SEC23B: variants seen among roughly 807,000 people sequenced by gnomAD.
SEC23B encodes SEC23 homolog B, COPII component, also known as protein transport protein Sec23B.
A neutral mutation model predicts 104.3 loss-of-function variants in SEC23B; 77 were observed. That is an observed-to-expected ratio of 0.74 (90% CI 0.61 to 0.89). The LOEUF is 0.89. Among genes scored for constraint, SEC23B ranks in the 40% least tolerant of loss-of-function variants. The pLI is 0.00. For missense variants in SEC23B, 885 were observed against 949.4 expected (o/e 0.93, Z 0.89); for synonymous variants, 338 against 332.5 (o/e 1.02, Z -0.18).
intron 3 of SEC23B, among the ~76,000 whole-genome samples, chr20:18,514,410 T>C (rs766637911): frequency 3.3e-5 from 5 of 152,152 alleles, no homozygotes; most frequent in Non-Finnish European, 7.4e-5. Context: ...TAGAGTCTTC[T>C]GCTGGCTCTG....
intron 19 of SEC23B, among the ~76,000 whole-genome samples, chr20:18,559,916 A>G (rs2060476572): frequency 6.6e-6 from 1 of 152,194 alleles, no homozygotes; most frequent in Non-Finnish European, 1.5e-5. Flanking sequence ...TATATATTCT[A>G]TTCCTTCCTC....
chr20:18,530,478 G>A (rs182383399), intron 9 of SEC23B, among the ~76,000 whole-genome samples: 8 of 152,154 alleles, frequency 5.3e-5, no homozygotes, highest in South Asian at 4.1e-4. Context: ...CAAGTGATCC[G>A]CCCTCCTTGG....
intron 12 of SEC23B, among the ~76,000 whole-genome samples, chr20:18,537,405 C>T (rs2060242315): frequency 6.6e-6 from 1 of 151,512 alleles, no homozygotes; most frequent in Admixed American, 6.6e-5. Context: ...GAATACTATG[C>T]AGCCATAAAA....
chr20:18,540,214 T>C (rs2060275211), intron 12 of SEC23B, among the ~76,000 whole-genome samples: 2 of 152,228 alleles, frequency 1.3e-5, no homozygotes, highest in Non-Finnish European at 2.9e-5. Flanking sequence ...ATGAAATGTG[T>C]TTCTTAAATT....
At chr20:18,543,333 T>C (rs546367145) in intron 14 of SEC23B, among the ~76,000 whole-genome samples, 161 bp downstream of exon 14, 1 of 152,358 alleles carries the variant, frequency 6.6e-6, no homozygotes, top group East Asian at 1.9e-4. Flanking sequence ...GTGTTAAATG[T>C]GCATTTTCCC....
rs752324886 is a variant in SEC23B, at chr20:18,543,125, G to T, written c.1618G>T (p.Glu540Ter). 6.2e-7 allele frequency: 1 copy of T among 1,614,198 alleles called. No homozygotes were observed. Among genetic ancestry groups the T allele is most frequent in the South Asian group, 1.1e-5 (1 of 91,084 alleles). ...RLGVFRAESE[E>*]GPDVLRWLDR... ...TGGGGTGTTCCGAGCGGAGTCAGAGGAGGGGCCCGATGTGCTCCGGTGGCT... is the reference window on the plus strand; with the variant it reads ...TGGGGTGTTCCGAGCGGAGTCAGAGTAGGGGCCCGATGTGCTCCGGTGGCT... The change falls in exon 14 of 20, where the codon GAG (glutamate) becomes TAG (stop). Residue 540 changes from glutamate (E) to a stop codon, truncating the protein, a stop_gained. Transcript: ENST00000650089. LOFTEE classifies it high-confidence loss of function.
intron 10 of SEC23B, among the ~76,000 whole-genome samples, chr20:18,531,512 C>T (rs1371485759): frequency 2.0e-5 from 3 of 152,012 alleles, no homozygotes; most frequent in African/African-American, 4.8e-5. Flanking sequence ...CAAAACTAGC[C>T]GGGCGTGGTG....
At position 18,524,697 on chromosome 20, in the gene SEC23B, A is replaced by C. The variant is rs1305679968; in HGVS notation, c.603+28A>C. On this transcript the variant is annotated intron_variant, in intron 5 of 19. Coordinates refer to ENST00000650089, the MANE Select transcript of SEC23B (RefSeq NM_006363.6). ...TTGTACCTTACTTGTACAGGAGCAGAAACAAGGACTTTTTTTTAAAAGAGA... is the reference window on the plus strand; with the variant it reads ...TTGTACCTTACTTGTACAGGAGCAGCAACAAGGACTTTTTTTTAAAAGAGA... 3 of 1,575,876 alleles carry C rather than the reference A, an allele frequency of 1.9e-6. No homozygotes were observed. The Admixed American group carries it at 5.0e-5, about 26-fold the overall frequency.
chr20:18,557,183 C>CT (rs35881198), intron 19 of SEC23B, among the ~76,000 whole-genome samples: 2 of 152,058 alleles, frequency 1.3e-5, no homozygotes, highest in South Asian at 4.1e-4. Flanking sequence ...ATCTTACGTA[C>CT]TTTTTTCCTG....
intron 16 of SEC23B, among the ~76,000 whole-genome samples, chr20:18,550,261 C>T (rs2060375698): frequency 1.3e-5 from 2 of 151,774 alleles, no homozygotes; most frequent in Admixed American, 1.3e-4. Flanking sequence ...TTCAGGTGAT[C>T]CTCCCACTTC....
chr20:18,555,588 T>A (rs781208820), intron 19 of SEC23B, among the ~76,000 whole-genome samples: 6 of 152,102 alleles, frequency 3.9e-5, no homozygotes, highest in Non-Finnish European at 5.9e-5. Flanking sequence ...CCCGCCTGAT[T>A]ACTACTTTAT....
chr20:18,556,503 C>T (rs994537988), intron 19 of SEC23B, among the ~76,000 whole-genome samples: 21 of 152,162 alleles, frequency 1.4e-4, no homozygotes, highest in African/African-American at 4.8e-4. Flanking sequence ...GTAAACTTCT[C>T]AGAAATTTCT....
chr20:18,552,366 A>G (rs1460175895), intron 17 of SEC23B, among the ~76,000 whole-genome samples: 1 of 152,254 alleles, frequency 6.6e-6, no homozygotes, highest in African/African-American at 2.4e-5. Flanking sequence ...TAATAGTCCT[A>G]GACTGAGAGC....
At chr20:18,531,700 A>G (rs986544323) in intron 10 of SEC23B, among the ~76,000 whole-genome samples, 3 of 144,344 alleles carry the variant, frequency 2.1e-5, no homozygotes, top group Non-Finnish European at 3.0e-5. Flanking sequence ...TTTTTTTCCC[A>G]TGTAGGGACT....
In SEC23B at chr20:18,532,823, CAT is replaced by C. The variant is rs1021392105; in HGVS notation, c.1314+80_1314+81del. 32 of 1,006,810 alleles carry C rather than the reference CAT, an allele frequency of 3.2e-5. No individual in the cohort carries two copies. The African/African-American group carries it at 4.7e-4, about 15-fold the overall frequency. 62.4% of individuals were successfully genotyped at this position (1,006,810 alleles called of 1,614,324 possible). A position where few individuals can be genotyped will look rare whatever the true frequency, so the allele number is the denominator to read the frequency against. On this transcript the variant is annotated intron_variant, in intron 11 of 19. Coordinates refer to ENST00000650089, the MANE Select transcript of SEC23B (RefSeq NM_006363.6). ...GAAGTGTCAGAGCATGATGATCTCACATGTGTCACCTGTTGGATGTGTCTGCA... is the reference window on the plus strand; with the variant it reads ...GAAGTGTCAGAGCATGATGATCTCACGTGTCACCTGTTGGATGTGTCTGCA...
Position 18,546,025 on chromosome 20 carries a change from T to C in SEC23B, c.1735T>C (p.Tyr579His). 1 of 1,494,202 alleles carries C rather than the reference T, an allele frequency of 6.7e-7. No individual in the cohort carries two copies. The highest frequency in any genetic ancestry group is 9.3e-7 in the Non-Finnish European group (1 of 1,070,530). The allele number at this position is 1,494,202 out of a possible 1,614,324, so 92.6% of individuals were successfully genotyped here. Reference sequence around the variant, plus strand: ...TAGGTTATCAGATTCCTTTTCTCTATATCCTCAGGTAAGTAATGTATGTTT... The same window carrying C: ...TAGGTTATCAGATTCCTTTTCTCTACATCCTCAGGTAAGTAATGTATGTTT... ...SFRLSDSFSLYPQFMFHLRRS... is the reference protein window; with the variant it reads ...SFRLSDSFSLHPQFMFHLRRS... Residue 579 changes from tyrosine (Y) to histidine (H), a missense_variant, in exon 15 of 20, where the codon TAT becomes CAT. Transcript: ENST00000650089.
In SEC23B at chr20:18,538,252, T is replaced by TC. The variant is rs199969700; in HGVS notation, c.1404+2510_1404+2511insC. 4.9e-3 allele frequency among the ~76,000 whole-genome samples: 698 copies of TC among 143,344 alleles called. 8 individuals are homozygous for TC. Among genetic ancestry groups the TC allele is most frequent in the South Asian group, 0.041 (183 of 4,488 alleles). 94.0% of individuals were successfully genotyped at this position (143,344 alleles called of 152,430 possible). On this transcript the variant is annotated intron_variant, in intron 12 of 19. Coordinates refer to ENST00000650089, the MANE Select transcript of SEC23B (RefSeq NM_006363.6). Reference sequence around the variant, plus strand: ...ACCACGCCCCACCTGGGAATTTCTTTTTTTTTTTTTTTTTTGAGACGGGGT... The same window carrying TC: ...ACCACGCCCCACCTGGGAATTTCTTTCTTTTTTTTTTTTTTTGAGACGGGGT...
intron 4 of SEC23B, among the ~76,000 whole-genome samples, chr20:18,518,746 C>T (rs1289638717): frequency 6.6e-6 from 1 of 152,084 alleles, no homozygotes; most frequent in Admixed American, 6.6e-5. Context: ...TCTTTAGCTA[C>T]CTTATCAGCA....
At chr20:18,526,832 C>T (rs1045314122) in intron 8 of SEC23B, among the ~76,000 whole-genome samples, 9 of 152,170 alleles carry the variant, frequency 5.9e-5, no homozygotes, top group African/African-American at 1.4e-4. Context: ...GTAATCCCAG[C>T]GCTTTGGGAG....
Sources: allele counts gnomAD v4.1 joint callset (sites outside exome capture counted in the v4.1 genomes callset), GRCh38; gene constraint gnomAD v4.1.1; transcripts MANE v1.5; gene names NCBI Gene and HGNC (gene_info 2026-07-23, HGNC 2026-07-21).